The following SLCO1C1 variants were observed in gnomAD, a reference collection of about 807,000 sequenced individuals.
The protein encoded by SLCO1C1 is OAT-RP-5.
A neutral mutation model predicts 76.4 loss-of-function variants in SLCO1C1; 70 were observed. The observed-to-expected ratio is 0.92, with a 90% CI of 0.76 to 1.12. The LOEUF is 1.12. SLCO1C1 is among the 50% of genes most tolerant of loss of function. The probability of loss-of-function intolerance (pLI) is 0.00; values close to 1 mark genes in which losing one functional copy is unlikely to be tolerated. For missense variants in SLCO1C1, 912 were observed against 823.8 expected (o/e 1.11, Z -1.31); for synonymous variants, 306 against 286.1 (o/e 1.07, Z -0.70).
chr12:20,745,936 T>G (rs188640349), intron 13 of SLCO1C1, among the ~76,000 whole-genome samples: 1 of 152,306 alleles, frequency 6.6e-6, no homozygotes, highest in East Asian at 1.9e-4. Context: ...TATAGTTCCA[T>G]CTCCTGAAAA....
chr12:20,703,899 T>C (rs1278198737), intron 3 of SLCO1C1, among the ~76,000 whole-genome samples: 3 of 151,530 alleles, frequency 2.0e-5, no homozygotes, highest in Non-Finnish European at 4.4e-5. Context: ...AAGAAAATAG[T>C]AGTCTTACAA....
chr12:20,733,138 GGTTT>G (rs1299932696), intron 10 of SLCO1C1, 34 bp downstream of exon 10: 22 of 1,487,882 alleles, frequency 1.5e-5, no homozygotes, highest in East Asian at 1.2e-4. Context: ...TGAGGATATT[GGTTT>G]GTTTAATTAA....
At chr12:20,714,718 A>T (rs930694502) in intron 5 of SLCO1C1, among the ~76,000 whole-genome samples, 2 of 152,208 alleles carry the variant, frequency 1.3e-5, no homozygotes, top group Non-Finnish European at 2.9e-5. Flanking sequence ...TCTGCTGAAA[A>T]ATAGAACTAA....
rs771992016 is a variant in SLCO1C1 at position 20,717,239 on chromosome 12, GTTTA to G, written c.775+13_775+16del. On this transcript the variant is annotated intron_variant, in intron 7 of 14. Coordinates refer to ENST00000266509, the MANE Select transcript of SLCO1C1 (RefSeq NM_017435.5). Reference sequence around the variant, plus strand: ...TGGCTTTGTAAACCTAGGTAAGGAAGTTTATTTTTTATTTATTCATGTATTTTAG... The same window carrying G: ...TGGCTTTGTAAACCTAGGTAAGGAAGTTTTTTATTTATTCATGTATTTTAG... The G allele has an allele frequency of 3.8e-6, 6 of 1,573,340 alleles. No individual in the cohort carries two copies. The African/African-American group carries it at 8.4e-5, about 22-fold the overall frequency.
chr12:20,712,599 A>T (rs1947165559), intron 5 of SLCO1C1, among the ~76,000 whole-genome samples: 1 of 152,172 alleles, frequency 6.6e-6, no homozygotes, highest in Admixed American at 6.5e-5. Context: ...GAGGAACCAC[A>T]TTGTATACAG....
At chr12:20,730,376 AAG>A (rs1308436923) in intron 9 of SLCO1C1, among the ~76,000 whole-genome samples, 1 of 152,182 alleles carries the variant, frequency 6.6e-6, no homozygotes, top group Non-Finnish European at 1.5e-5. Flanking sequence ...CTTCAGGAGA[AAG>A]AAGATGAAAC....
intron 3 of SLCO1C1, among the ~76,000 whole-genome samples, chr12:20,703,425 TACC>T (rs1946620618): frequency 6.6e-6 from 1 of 150,886 alleles, no homozygotes; most frequent in African/African-American, 2.4e-5. Flanking sequence ...TTGTTGATAT[TACC>T]TTATTACATT....
chr12:20,705,040 A>T (rs192323301), intron 3 of SLCO1C1, among the ~76,000 whole-genome samples: 2 of 152,064 alleles, frequency 1.3e-5, no homozygotes, highest in African/African-American at 4.8e-5. Context: ...AACGTTTGGT[A>T]CTTGCCAAGA....
chr12:20,708,249 G>A (rs927065730), intron 4 of SLCO1C1, among the ~76,000 whole-genome samples: 14 of 152,028 alleles, frequency 9.2e-5, no homozygotes, highest in African/African-American at 3.4e-4. Flanking sequence ...ATTCCTAATA[G>A]GCTGTTTAGT....
At chr12:20,715,026 C>A in intron 5 of SLCO1C1, 113 bp from the exon 6 acceptor site, 1 of 1,313,976 alleles carries the variant, frequency 7.6e-7, no homozygotes, top group Non-Finnish European at 1.0e-6. Flanking sequence ...AAGACTATTG[C>A]ACAAAAACTC....
chr12:20,733,155 C>A (rs1948374444), intron 10 of SLCO1C1, 51 bp downstream of exon 10: 8 of 1,449,420 alleles, frequency 5.5e-6, no homozygotes, highest in South Asian at 3.0e-5. Context: ...TTAATTAAAT[C>A]AATTATTGGT....
At chr12:20,714,506 A>C (rs1288984737) in intron 5 of SLCO1C1, among the ~76,000 whole-genome samples, 1 of 152,172 alleles carries the variant, frequency 6.6e-6, no homozygotes, top group Admixed American at 6.5e-5. Context: ...CTGTCAAATG[A>C]TTTCTTTTGT....
chr12:20,711,571 T>G, intron 5 of SLCO1C1, 61 bp downstream of exon 5: 1 of 1,556,240 alleles, frequency 6.4e-7, no homozygotes. Flanking sequence ...TATATGTGCT[T>G]TAGGATGGAC....
Position 20,717,169 on chromosome 12 carries a change from T to C in SLCO1C1, c.714T>C (p.Phe238=). The part of the protein sequence containing the change: ...VQTVAIIGPI[F]GFLLGSLCAK... ...CGGTTGCAATTATAGGACCAATCTT[T>C]GGTTTCCTGTTAGGCTCATTATGTG... The change falls in exon 7 of 15, where the codon TTT becomes TTC. Residue 238 remains phenylalanine (F), a synonymous_variant. Transcript: ENST00000266509. The C allele has an allele frequency of 6.2e-7, 1 of 1,605,202 alleles. No individual in the cohort carries two copies. Among genetic ancestry groups the C allele is most frequent in the South Asian group, 1.1e-5 (1 of 88,686 alleles).
intron 3 of SLCO1C1, among the ~76,000 whole-genome samples, chr12:20,705,544 G>A (rs1478290141): frequency 6.6e-6 from 1 of 151,908 alleles, no homozygotes; most frequent in Non-Finnish European, 1.5e-5. Context: ...TGTAGTCCAT[G>A]AGCAATTAGA....
chr12:20,726,920 T>C (rs749321649), intron 9 of SLCO1C1, among the ~76,000 whole-genome samples: 10 of 152,168 alleles, frequency 6.6e-5, no homozygotes, highest in African/African-American at 9.7e-5. Context: ...TCCATGTGTA[T>C]CCAATATTTA....
At chr12:20,731,061 A>G (rs1416412117) in intron 9 of SLCO1C1, among the ~76,000 whole-genome samples, 1 of 152,196 alleles carries the variant, frequency 6.6e-6, no homozygotes, top group Non-Finnish European at 1.5e-5. Flanking sequence ...CTGCCTGTGA[A>G]TGATCAAAGG....
At chr12:20,723,978 C>G (rs956727182) in intron 9 of SLCO1C1, among the ~76,000 whole-genome samples, 1 of 151,880 alleles carries the variant, frequency 6.6e-6, no homozygotes, top group Non-Finnish European at 1.5e-5. Flanking sequence ...TGAAAGAGAC[C>G]TGGAAGGAGA....
At chr12:20,713,091 T>TC (rs1947198174) in intron 5 of SLCO1C1, among the ~76,000 whole-genome samples, 2 of 151,020 alleles carry the variant, frequency 1.3e-5, no homozygotes, top group African/African-American at 4.9e-5. Flanking sequence ...TTCTTTTTTT[T>TC]TTTTTTGAGA....
Sources: gnomAD v4.1 joint callset for allele counts (sites outside exome capture counted in the v4.1 genomes callset) on GRCh38, gnomAD v4.1.1 for gene constraint, MANE v1.5 for transcripts, NCBI Gene and HGNC (gene_info 2026-07-23, HGNC 2026-07-21) for gene names.